Variants in CDC14B observed in about 807,000 individuals in gnomAD.
CDC14B encodes dual specificity protein phosphatase CDC14B.
A neutral mutation model predicts 64.2 loss-of-function variants in CDC14B; 22 were observed. The ratio of observed to expected loss-of-function variants is 0.34; its 90% CI spans 0.24 to 0.49. CDC14B has a LOEUF of 0.49. CDC14B is among the 20% of genes least tolerant of loss of function. The pLI, the probability that CDC14B is intolerant of heterozygous loss-of-function variation, is 0.99. For missense variants in CDC14B, 498 were observed against 629.9 expected (o/e 0.79, Z 2.24); for synonymous variants, 191 against 215.8 (o/e 0.89, Z 1.01).
intron 13 of CDC14B, among the ~76,000 whole-genome samples, chr9:96,495,035 C>CGGG (rs1833191389): frequency 6.6e-6 from 1 of 151,770 alleles, no homozygotes; most frequent in Non-Finnish European, 1.5e-5. Context: ...GGGGTTTCAC[C>CGGG]GTGTTAGCCA....
rs901451492 is a variant in CDC14B, at chr9:96,515,944, A to T, written c.1344-6155T>A. On this transcript the variant is annotated intron_variant, in intron 12 of 13. Transcript: ENST00000375241. This position sits in a 1 kb window ranked among gnomAD's most constrained non-coding sequence, Gnocchi z 4.3. ...GGATACAAAGGGGTGGTCAACAAGG[A>T]TGGAGTTTTGCCATTTTATGTTGAA... 6.6e-6 allele frequency among the ~76,000 whole-genome samples: 1 copy of T among 152,188 alleles called. No individual in the cohort carries two copies. The highest frequency in any genetic ancestry group is 2.4e-5 in the African/African-American group (1 of 41,434).
At chr9:96,618,675 G>A in intron 1 of CDC14B, 1 of 506,166 alleles carries the variant, frequency 2.0e-6, no homozygotes, top group Admixed American at 2.1e-5. Flanking sequence ...CAGGAGAGGG[G>A]CTCGGGCTTA....
rs77392961 is a variant in CDC14B at position 96,553,210 on chromosome 9, T to G, written c.421-1338A>C. 6.8e-4 allele frequency among the ~76,000 whole-genome samples: 104 copies of G among 152,250 alleles called. No individual in the cohort carries two copies. The East Asian group carries it at 0.019, about 28-fold the overall frequency. On this transcript the variant is annotated intron_variant, in intron 4 of 13. Coordinates refer to ENST00000375241, the MANE Select transcript of CDC14B (RefSeq NM_033331.4). ...TCAAAGTTCAAAGATCCAGCAAGGA[T>G]CTTAGAAACTCAGAAACAGACATAT...
chr9:96,607,507 G>A (rs1443945953), intron 1 of CDC14B, among the ~76,000 whole-genome samples: 5 of 142,982 alleles, frequency 3.5e-5, no homozygotes, highest in African/African-American at 1.3e-4. Flanking sequence ...TGCAAGCTCC[G>A]CTTCCAGGGT....
intron 1 of CDC14B, among the ~76,000 whole-genome samples, chr9:96,576,011 C>A (rs1469342038): frequency 6.6e-6 from 1 of 152,218 alleles, no homozygotes; most frequent in Non-Finnish European, 1.5e-5. Flanking sequence ...CTTGGCGGCT[C>A]GCGCCTGTAA....
chr9:96,535,576 T>G (rs1839164385), intron 7 of CDC14B, among the ~76,000 whole-genome samples: 1 of 152,132 alleles, frequency 6.6e-6, no homozygotes. Flanking sequence ...AGAAGACACT[T>G]GATAGTGCAG....
rs538066661 is a variant in CDC14B at position 96,505,638 on chromosome 9, A to T, written c.1461-1849T>A. Among the ~76,000 whole-genome samples, 21 of 111,388 alleles carry T rather than the reference A, an allele frequency of 1.9e-4. No individual in the cohort carries two copies. The South Asian group carries it at 5.5e-3, about 29-fold the overall frequency. 73.1% of individuals were successfully genotyped at this position (111,388 alleles called of 152,430 possible). A position where few individuals can be genotyped will look rare whatever the true frequency, so the allele number is the denominator to read the frequency against. On this transcript the variant is annotated intron_variant, in intron 13 of 13. Transcript: ENST00000375241. ...TTCACTGGATTTATTAATTCTTAAA[A>T]GAGAAAGGTTAGCATGGATTTATAG...
At chr9:96,582,240 A>C (rs1397144392) in intron 1 of CDC14B, among the ~76,000 whole-genome samples, 2 of 152,258 alleles carry the variant, frequency 1.3e-5, no homozygotes, top group African/African-American at 4.8e-5. Flanking sequence ...AAATTTATCC[A>C]AAGACCTATG....
chr9:96,511,817 T>G (rs1267802280), intron 12 of CDC14B, among the ~76,000 whole-genome samples: 1 of 152,148 alleles, frequency 6.6e-6, no homozygotes, highest in Non-Finnish European at 1.5e-5. Context: ...AAGGAGGTGG[T>G]TGCGGTGGCT....
At chr9:96,497,865 T>C (rs188203336), downstream of CDC14B, among the ~76,000 whole-genome samples, 300 of 152,294 alleles carry the variant, frequency 2.0e-3, 1 homozygote, top group Non-Finnish European at 2.9e-3. Context: ...CTAAGCTAAG[T>C]GGCAGCACTT....
chr9:96,539,175 T>G (rs747614009), intron 6 of CDC14B, 35 bp from the exon 7 acceptor site: 7 of 1,437,948 alleles, frequency 4.9e-6, no homozygotes, highest in Non-Finnish European at 6.8e-6. Context: ...AGAACAAGGA[T>G]GCAAATAAGA....
intron 5 of CDC14B, among the ~76,000 whole-genome samples, chr9:96,543,328 G>C (rs1261792675): frequency 6.7e-6 from 1 of 150,204 alleles, no homozygotes; most frequent in East Asian, 1.9e-4. Flanking sequence ...AGCGAGACTC[G>C]AGACTCGTCT....
chr9:96,552,373 C>T (rs528197937), intron 4 of CDC14B, among the ~76,000 whole-genome samples: 1 of 152,324 alleles, frequency 6.6e-6, no homozygotes, highest in Non-Finnish European at 1.5e-5. Context: ...TTGTTTTCGA[C>T]GCTCATTGAC....
chr9:96,543,490 C>T (rs1041752948), intron 5 of CDC14B, among the ~76,000 whole-genome samples: 1 of 152,150 alleles, frequency 6.6e-6, no homozygotes, highest in Non-Finnish European at 1.5e-5. Context: ...ACTAACAAGT[C>T]AACTACCTTC....
At chr9:96,506,706 C>A (rs1587725276) in intron 13 of CDC14B, among the ~76,000 whole-genome samples, 2 of 152,244 alleles carry the variant, frequency 1.3e-5, no homozygotes, top group Non-Finnish European at 2.9e-5. Flanking sequence ...ACTCTGAAAT[C>A]TACCTTAGGA....
intron 6 of CDC14B, among the ~76,000 whole-genome samples, chr9:96,539,441 C>T (rs1839741648): frequency 6.6e-6 from 1 of 152,140 alleles, no homozygotes; most frequent in Non-Finnish European, 1.5e-5. Flanking sequence ...AATAATCACG[C>T]CCTGAAAGTA....
rs1015375104 is a variant in CDC14B at position 96,619,115 on chromosome 9, C to T, written c.160+104G>A. 6.1e-5 allele frequency: 57 copies of T among 936,224 alleles called. No homozygotes were observed. In the African/African-American group the frequency reaches 8.0e-4, roughly 13 times the overall value. The allele number at this position is 936,224 out of a possible 1,614,324, so 58.0% of individuals were successfully genotyped here. A position where few individuals can be genotyped will look rare whatever the true frequency, so the allele number is the denominator to read the frequency against. Reference sequence around the variant, plus strand: ...TAAGGGGGTGGGGGCGAAGGCATTTCGGCCCGGCCCCGGAGGCCCCGGGCA... The same window carrying T: ...TAAGGGGGTGGGGGCGAAGGCATTTTGGCCCGGCCCCGGAGGCCCCGGGCA... On this transcript the variant is annotated intron_variant, in intron 1 of 13. Coordinates refer to ENST00000375241, the MANE Select transcript of CDC14B (RefSeq NM_033331.4).
chr9:96,517,519 G>A (rs1835886858), intron 12 of CDC14B, among the ~76,000 whole-genome samples: 1 of 148,556 alleles, frequency 6.7e-6, no homozygotes, highest in Non-Finnish European at 1.5e-5. Flanking sequence ...GGGCGTGGTG[G>A]CAGGCACCAC....
intron 1 of CDC14B, among the ~76,000 whole-genome samples, chr9:96,597,078 C>G (rs768971570): frequency 1.3e-5 from 2 of 152,112 alleles, no homozygotes; most frequent in Non-Finnish European, 2.9e-5. Flanking sequence ...CACCAATGCA[C>G]ATCATAAACT....
Sources: allele counts gnomAD v4.1 joint callset (sites outside exome capture counted in the v4.1 genomes callset), GRCh38; gene constraint gnomAD v4.1.1; non-coding constraint Gnocchi (gnomAD v3.1); transcripts MANE v1.5; gene names NCBI Gene and HGNC (gene_info 2026-07-23, HGNC 2026-07-21).